KCNK13: variants seen among roughly 807,000 people sequenced by gnomAD.
The protein encoded by KCNK13 is potassium two pore domain channel subfamily K member 13.
A neutral mutation model predicts 23.4 loss-of-function variants in KCNK13; 12 were observed. The observed-to-expected ratio is 0.51, with a 90% CI of 0.33 to 0.83. The LOEUF is 0.83. Ranked by LOEUF, KCNK13 falls within the 40% of genes least tolerant of loss-of-function variation. The pLI, the probability that KCNK13 is intolerant of heterozygous loss-of-function variation, is 0.02. For synonymous variants in KCNK13, 231 were observed against 229.5 expected (o/e 1.01, Z -0.06); for missense variants, 463 against 556.3 (o/e 0.83, Z 1.69).
At chr14:90,174,347 C>T (rs1240949163) in intron 1 of KCNK13, among the ~76,000 whole-genome samples, 1 of 152,018 alleles carries the variant, frequency 6.6e-6, no homozygotes. Context: ...ATAAAACCAT[C>T]AGATCTCATG....
chr14:90,167,407 C>T (rs145253203), intron 1 of KCNK13, among the ~76,000 whole-genome samples: 1 of 152,180 alleles, frequency 6.6e-6, no homozygotes, highest in Admixed American at 6.5e-5. Flanking sequence ...ACTTAATTGC[C>T]AGTCCTCCTT....
chr14:90,130,303 G>A (rs548559872), intron 1 of KCNK13, among the ~76,000 whole-genome samples: 5 of 151,860 alleles, frequency 3.3e-5, no homozygotes, highest in Admixed American at 6.6e-5. Context: ...AGGCTCAAGC[G>A]ATTCTCCTGC....
chr14:90,132,543 CAAAAA>C (rs397853239), intron 1 of KCNK13, among the ~76,000 whole-genome samples: 1 of 83,972 alleles, frequency 1.2e-5, no homozygotes. Context: ...GACTCTGTCT[CAAAAA>C]AAAAAAAAAA....
chr14:90,117,718 T>C (rs1790359146), intron 1 of KCNK13, among the ~76,000 whole-genome samples: 1 of 152,234 alleles, frequency 6.6e-6, no homozygotes, highest in South Asian at 2.1e-4. Context: ...TTGTATACAA[T>C]GAAGTGGTAC....
chr14:90,124,008 A>T (rs557698825), intron 1 of KCNK13, among the ~76,000 whole-genome samples: 1 of 152,282 alleles, frequency 6.6e-6, no homozygotes, highest in South Asian at 2.1e-4. Flanking sequence ...GCTGATTCTA[A>T]TATGTACCCA....
At chr14:90,183,688 G>A (rs978133385) in intron 1 of KCNK13, among the ~76,000 whole-genome samples, 2 of 152,206 alleles carry the variant, frequency 1.3e-5, no homozygotes, top group African/African-American at 4.8e-5. Flanking sequence ...ATTCTGATGA[G>A]TCTGTATAAG....
chr14:90,148,055 C>T (rs879406795), intron 1 of KCNK13, among the ~76,000 whole-genome samples: 2 of 151,992 alleles, frequency 1.3e-5, no homozygotes, highest in Admixed American at 6.6e-5. Flanking sequence ...ACAAGCTATT[C>T]GGGAGGCTGA....
At position 90,062,037 on chromosome 14, in the gene KCNK13, G is replaced by A; in HGVS notation, c.-169G>A. 1 of 415,542 alleles carries A rather than the reference G, an allele frequency of 2.4e-6. No individual in the cohort carries two copies. Among genetic ancestry groups the A allele is most frequent in the Non-Finnish European group, 4.1e-6 (1 of 242,910 alleles). 25.7% of individuals were successfully genotyped at this position (415,542 alleles called of 1,614,324 possible). On this transcript the variant is annotated 5_prime_UTR_variant, in exon 1 of 2. Coordinates refer to ENST00000282146, the MANE Select transcript of KCNK13 (RefSeq NM_022054.4). The surrounding 1 kb of genome is among the most constrained non-coding windows in gnomAD (Gnocchi z 4.5). ...CGCCACAGGAGCTACCGAGGCGGCG[G>A]CCGGGGGAGCCTCGCGGCCTGCGGG...
intron 1 of KCNK13, among the ~76,000 whole-genome samples, chr14:90,078,346 G>C (rs1889164556): frequency 6.6e-6 from 1 of 150,882 alleles, no homozygotes; most frequent in Admixed American, 6.6e-5. Context: ...CTTGAACCCA[G>C]GAGGTGGAGG....
chr14:90,102,273 T>A (rs1314536749), intron 1 of KCNK13, among the ~76,000 whole-genome samples: 2 of 152,216 alleles, frequency 1.3e-5, no homozygotes, highest in Admixed American at 1.3e-4. Context: ...TAAGGCAGAA[T>A]GTACAGCTGT....
intron 1 of KCNK13, among the ~76,000 whole-genome samples, chr14:90,101,812 A>AAAAAAAAAAT (rs1889483919): frequency 6.8e-6 from 1 of 147,672 alleles, no homozygotes; most frequent in African/African-American, 2.5e-5. Flanking sequence ...AAAAAAAAAA[A>AAAAAAAAAAT]CCTCACAAGT....
intron 1 of KCNK13, among the ~76,000 whole-genome samples, chr14:90,130,801 C>T (rs1193068779): frequency 3.3e-5 from 5 of 152,086 alleles, no homozygotes; most frequent in African/African-American, 4.8e-5. Flanking sequence ...GCAACAAGAG[C>T]GAAACTCCAT....
intron 1 of KCNK13, among the ~76,000 whole-genome samples, chr14:90,102,707 T>G (rs973323028): frequency 6.6e-5 from 10 of 152,258 alleles, no homozygotes; most frequent in African/African-American, 2.2e-4. Flanking sequence ...ACTGACTTTC[T>G]GTCTCCCTGT....
intron 1 of KCNK13, among the ~76,000 whole-genome samples, chr14:90,114,660 G>A (rs1889654732): frequency 6.6e-6 from 1 of 152,174 alleles, no homozygotes; most frequent in Admixed American, 6.5e-5. Flanking sequence ...TTTCATGTAT[G>A]TTAATTACAG....
At chr14:90,123,983 T>C (rs1376262964) in intron 1 of KCNK13, among the ~76,000 whole-genome samples, 3 of 152,132 alleles carry the variant, frequency 2.0e-5, no homozygotes, top group African/African-American at 7.2e-5. Flanking sequence ...CATAGATATT[T>C]TGTAAAAGCT....
chr14:90,106,759 T>C (rs552832848), intron 1 of KCNK13, among the ~76,000 whole-genome samples: 532 of 151,610 alleles, frequency 3.5e-3, no homozygotes, highest in Middle Eastern at 6.8e-3. Context: ...CAGTGGCTCA[T>C]ACCTGTAATC....
At chr14:90,164,858 A>G (rs974930622) in intron 1 of KCNK13, among the ~76,000 whole-genome samples, 27 of 152,218 alleles carry the variant, frequency 1.8e-4, no homozygotes, top group African/African-American at 6.5e-4. Flanking sequence ...TGAGGGTCCC[A>G]CAAATGGGCC....
At chr14:90,107,758 G>A (rs1448888575) in intron 1 of KCNK13, 3 of 818,990 alleles carry the variant, frequency 3.7e-6, no homozygotes, top group Non-Finnish European at 6.5e-6. Flanking sequence ...TCTGCAGGAG[G>A]ACCCAAGAGA....
chr14:90,181,215 G>A (rs937996890), intron 1 of KCNK13, among the ~76,000 whole-genome samples: 16 of 152,194 alleles, frequency 1.1e-4, no homozygotes, highest in African/African-American at 3.9e-4. Context: ...CAAGGACTAT[G>A]TCTGTGTCAT....
Sources: allele counts gnomAD v4.1 joint callset (sites outside exome capture counted in the v4.1 genomes callset), GRCh38; gene constraint gnomAD v4.1.1; non-coding constraint Gnocchi (gnomAD v3.1); transcripts MANE v1.5; gene names NCBI Gene and HGNC (gene_info 2026-07-23, HGNC 2026-07-21).